SAE1: variants seen among roughly 807,000 people sequenced by gnomAD.
SAE1 encodes the protein SUMO-activating enzyme subunit 1.
A neutral mutation model predicts 40.6 loss-of-function variants in SAE1; 11 were observed. The ratio of observed to expected loss-of-function variants is 0.27; its 90% CI spans 0.17 to 0.45. SAE1 has a LOEUF of 0.45. Among genes scored for constraint, SAE1 ranks in the 20% least tolerant of loss-of-function variants. SAE1 has a pLI of 1.00. For synonymous variants in SAE1, 155 were observed against 154.3 expected (o/e 1.00, Z -0.03); for missense variants, 373 against 427.3 (o/e 0.87, Z 1.12).
intron 5 of SAE1, among the ~76,000 whole-genome samples, chr19:47,160,345 C>A (rs1199978924): frequency 1.3e-5 from 2 of 148,866 alleles, no homozygotes; most frequent in Non-Finnish European, 3.0e-5. Flanking sequence ...CGTTAGCCTT[C>A]CGAGTAGCTG....
At chr19:47,136,494 CTTT>C (rs35463823) in intron 1 of SAE1, among the ~76,000 whole-genome samples, 1,494 of 109,574 alleles carry the variant, frequency 0.014, 28 homozygotes, top group African/African-American at 0.049. Flanking sequence ...TTACCCGAGT[CTTT>C]TTTTTTTTTT....
intron 5 of SAE1, among the ~76,000 whole-genome samples, chr19:47,162,718 C>T (rs984431692): frequency 2.0e-5 from 3 of 152,092 alleles, no homozygotes; most frequent in Admixed American, 2.0e-4. Context: ...AGGCTGGGTG[C>T]AGTGGCTCAT....
At chr19:47,181,005 G>A (rs2123277164) in intron 6 of SAE1, among the ~76,000 whole-genome samples, 1 of 152,158 alleles carries the variant, frequency 6.6e-6, no homozygotes, top group Admixed American at 6.5e-5. Context: ...TTGCTCTAAA[G>A]GATGTTAGTG....
At chr19:47,176,785 T>C (rs993124493) in intron 6 of SAE1, among the ~76,000 whole-genome samples, 2 of 152,340 alleles carry the variant, frequency 1.3e-5, no homozygotes, top group South Asian at 2.1e-4. Flanking sequence ...TGCTGCATTT[T>C]TCCACTGTCT....
chr19:47,160,893 G>T (rs1381139250), intron 5 of SAE1, among the ~76,000 whole-genome samples: 1 of 152,192 alleles, frequency 6.6e-6, no homozygotes, highest in African/African-American at 2.4e-5. Flanking sequence ...GCAACGAGGG[G>T]TGTAAATTTG....
chr19:47,192,205 C>T (rs553173369), intron 6 of SAE1, among the ~76,000 whole-genome samples: 88 of 152,154 alleles, frequency 5.8e-4, no homozygotes, highest in African/African-American at 2.1e-3. Context: ...ACCTGGTGAG[C>T]GGGTAATTAT....
chr19:47,168,894 G>A (rs550702173), intron 5 of SAE1, among the ~76,000 whole-genome samples: 1 of 152,190 alleles, frequency 6.6e-6, no homozygotes, highest in African/African-American at 2.4e-5. Context: ...GTGAGCCACT[G>A]TGCCTGGACT....
At chr19:47,136,037 C>T (rs796389521) in intron 1 of SAE1, among the ~76,000 whole-genome samples, 9 of 151,572 alleles carry the variant, frequency 5.9e-5, no homozygotes, top group African/African-American at 2.2e-4. Flanking sequence ...CTCCTGACCT[C>T]GTGTACCACA....
In SAE1 at chr19:47,209,042, G is replaced by A. The variant is rs2123334643; in HGVS notation, c.949-117G>A. ...TCCAGACATTGCCAAATAGCCCTTTGGGAGCAAAATCGACCCCAGTTAAGA... is the reference window on the plus strand; with the variant it reads ...TCCAGACATTGCCAAATAGCCCTTTAGGAGCAAAATCGACCCCAGTTAAGA... On this transcript the variant is annotated intron_variant, in intron 8 of 8. Transcript: ENST00000270225. 4 of 886,994 alleles carry A rather than the reference G, an allele frequency of 4.5e-6. No individual in the cohort carries two copies. The South Asian group carries it at 7.0e-5, about 16-fold the overall frequency. 54.9% of individuals were successfully genotyped at this position (886,994 alleles called of 1,614,324 possible).
intron 6 of SAE1, among the ~76,000 whole-genome samples, chr19:47,176,664 C>T (rs576055156): frequency 5.8e-4 from 89 of 152,184 alleles, no homozygotes; most frequent in South Asian, 2.3e-3. Context: ...TTTTTTATTG[C>T]CCCATTCACA....
intron 2 of SAE1, among the ~76,000 whole-genome samples, chr19:47,144,253 G>A (rs537023447): frequency 4.4e-4 from 67 of 152,306 alleles, no homozygotes; most frequent in Middle Eastern, 3.4e-3. Context: ...AGAATCGCTT[G>A]AATCTGGGAG....
chr19:47,161,652 C>T (rs529613148), intron 5 of SAE1, among the ~76,000 whole-genome samples: 6 of 152,304 alleles, frequency 3.9e-5, no homozygotes, highest in African/African-American at 1.4e-4. Flanking sequence ...AATGATTTCG[C>T]TCACCATCAT....
chr19:47,180,714 T>G (rs1252105276), intron 6 of SAE1, among the ~76,000 whole-genome samples: 1 of 152,058 alleles, frequency 6.6e-6, no homozygotes, highest in Non-Finnish European at 1.5e-5. Flanking sequence ...TCCTAGCTAC[T>G]CAGGAGGATG....
intron 6 of SAE1, among the ~76,000 whole-genome samples, chr19:47,170,481 A>C (rs1248447100): frequency 7.2e-6 from 1 of 138,028 alleles, no homozygotes; most frequent in Non-Finnish European, 1.5e-5. Flanking sequence ...TGATCAACCA[A>C]CTTCTCTTCA....
intron 6 of SAE1, among the ~76,000 whole-genome samples, chr19:47,173,143 C>T (rs1450057981): frequency 6.6e-6 from 1 of 152,170 alleles, no homozygotes; most frequent in East Asian, 1.9e-4. Flanking sequence ...ATTCTACAGG[C>T]ACGCACCACC....
In SAE1 at chr19:47,209,858, G is replaced by A. The variant is rs571226127; in HGVS notation, c.*607G>A. 1 of 152,534 alleles carries A rather than the reference G, an allele frequency of 6.6e-6. No individual in the cohort carries two copies. Among genetic ancestry groups the A allele is most frequent in the South Asian group, 2.1e-4 (1 of 4,844 alleles). 9.4% of individuals were successfully genotyped at this position (152,534 alleles called of 1,614,324 possible). A position where few individuals can be genotyped will look rare whatever the true frequency, so the allele number is the denominator to read the frequency against. On this transcript the variant is annotated 3_prime_UTR_variant, in exon 9 of 9. Transcript: ENST00000270225. ...GTGGCATCTGGTGTGCTGTTCTTGA[G>A]TTTTCGTTTAGGATTAGTTGAGTTC...
chr19:47,190,436 TGAGGCTGC>T (rs1440440804), intron 6 of SAE1, among the ~76,000 whole-genome samples: 4 of 152,220 alleles, frequency 2.6e-5, no homozygotes, highest in African/African-American at 4.8e-5. Context: ...GGGTCAGTTC[TGAGGCTGC>T]TGCCTGTCAA....
chr19:47,161,334 T>A (rs2058358888), intron 5 of SAE1, among the ~76,000 whole-genome samples: 1 of 152,104 alleles, frequency 6.6e-6, no homozygotes. Flanking sequence ...TTGTGACATT[T>A]AATGCACAAA....
At chr19:47,192,976 C>A (rs1349140594) in intron 6 of SAE1, among the ~76,000 whole-genome samples, 1 of 151,956 alleles carries the variant, frequency 6.6e-6, no homozygotes. Flanking sequence ...GGAATACCAG[C>A]AGGACATCTA....
Sources: gnomAD v4.1 joint callset for allele counts (sites outside exome capture counted in the v4.1 genomes callset) on GRCh38, gnomAD v4.1.1 for gene constraint, MANE v1.5 for transcripts, NCBI Gene and HGNC (gene_info 2026-07-23, HGNC 2026-07-21) for gene names.